Variants in LRP1B observed in about 807,000 individuals in gnomAD.
The protein encoded by LRP1B is low-density lipoprotein receptor-related protein 1B.
LRP1B carries 217 observed loss-of-function variants against 556.6 expected under a neutral mutation model. The ratio of observed to expected loss-of-function variants is 0.39; its 90% CI spans 0.35 to 0.44. LRP1B has a LOEUF of 0.44. Ranked by LOEUF, LRP1B falls within the 20% of genes least tolerant of loss-of-function variation. The probability of loss-of-function intolerance (pLI) is 1.00; values close to 1 mark genes in which losing one functional copy is unlikely to be tolerated. For synonymous variants in LRP1B, 2,047 were observed against 1,865.8 expected (o/e 1.10, Z -2.50); for missense variants, 5,053 against 5,620.8 (o/e 0.90, Z 3.23).
chr2:140,786,642 G>A (rs549162332), intron 32 of LRP1B, among the ~76,000 whole-genome samples: 1 of 152,252 alleles, frequency 6.6e-6, no homozygotes, highest in East Asian at 1.9e-4. Context: ...GGAGGACAAT[G>A]AAGGTAAGAT....
At chr2:140,683,346 A>C in intron 41 of LRP1B, 2 of 472,256 alleles carry the variant, frequency 4.2e-6, no homozygotes, top group Non-Finnish European at 8.2e-6. Flanking sequence ...ACAAGGCAGA[A>C]AACTCCACAC....
chr2:140,525,022 A>C (rs186818253), intron 49 of LRP1B, among the ~76,000 whole-genome samples: 1 of 151,970 alleles, frequency 6.6e-6, no homozygotes, highest in East Asian at 1.9e-4. Context: ...CTACTAAAAA[A>C]TCAGACTTTC....
At chr2:140,620,959 T>C (rs1023715818) in intron 41 of LRP1B, among the ~76,000 whole-genome samples, 4 of 151,966 alleles carry the variant, frequency 2.6e-5, no homozygotes, top group African/African-American at 4.8e-5. Flanking sequence ...AGTTGCTGGG[T>C]TTTCTTTCTA....
chr2:141,298,967 A>AT (rs949196673), intron 3 of LRP1B, among the ~76,000 whole-genome samples: 4 of 151,566 alleles, frequency 2.6e-5, no homozygotes, highest in Admixed American at 6.6e-5. Flanking sequence ...AAAAAAAAAA[A>AT]AAAAACCCAC....
intron 6 of LRP1B, among the ~76,000 whole-genome samples, chr2:141,224,175 A>C (rs1338279812): frequency 6.6e-6 from 1 of 151,970 alleles, no homozygotes; most frequent in Admixed American, 6.6e-5. Flanking sequence ...CAAACATTAA[A>C]AAGTGAGCAA....
chr2:140,739,432 A>T (rs1688062714), intron 35 of LRP1B, among the ~76,000 whole-genome samples: 1 of 152,146 alleles, frequency 6.6e-6, no homozygotes, highest in Non-Finnish European at 1.5e-5. Flanking sequence ...CCAAAAGCTG[A>T]AACAAAGATA....
rs760848186 is a variant in LRP1B at position 141,480,530 on chromosome 2, G to A, written c.209C>T (p.Pro70Leu). 6.2e-7 allele frequency: 1 copy of A among 1,613,506 alleles called. No homozygotes were observed. The change falls in exon 3 of 91, where the codon CCC (proline) becomes CTC (leucine). Residue 70 changes from proline to leucine, a missense_variant. Pro to Leu is a moderately conservative substitution (Grantham distance 98). Transcript: ENST00000389484. Reference protein sequence around the residue: ...DDSDESLDTCPEEVEIKCPLN... With the variant: ...DDSDESLDTCLEEVEIKCPLN... ...GGGGCACTTGATTTCTACCTCCTCG[G>A]GACCTGAAAAGATGTAAAAAAGAAC... is the stretch of plus-strand genomic sequence containing the variant.
chr2:140,608,618 T>C (rs1294353605), intron 41 of LRP1B, among the ~76,000 whole-genome samples: 2 of 152,232 alleles, frequency 1.3e-5, no homozygotes, highest in Admixed American at 6.5e-5. Context: ...AAGCTTTTAT[T>C]GTCATCCCCC....
At chr2:140,802,274 C>T (rs1019913634) in intron 32 of LRP1B, among the ~76,000 whole-genome samples, 2 of 152,044 alleles carry the variant, frequency 1.3e-5, no homozygotes, top group African/African-American at 4.8e-5. Context: ...GAGAAGGAGT[C>T]AAGGATGATA....
intron 2 of LRP1B, among the ~76,000 whole-genome samples, chr2:141,663,402 T>C (rs1254274491): frequency 1.6e-5 from 2 of 127,720 alleles, no homozygotes; most frequent in Admixed American, 7.7e-5. Flanking sequence ...ATCCAGGAGC[T>C]GGTTTTGTAA....
chr2:141,572,226 G>A (rs887142893), intron 2 of LRP1B, among the ~76,000 whole-genome samples: 3 of 152,132 alleles, frequency 2.0e-5, no homozygotes, highest in Admixed American at 6.5e-5. Context: ...GACTAACAGT[G>A]GACCTATCAG....
chr2:140,370,539 T>C (rs926309092), intron 71 of LRP1B, among the ~76,000 whole-genome samples, 171 bp downstream of exon 71: 15 of 151,996 alleles, frequency 9.9e-5, no homozygotes, highest in African/African-American at 3.6e-4. Context: ...TGTCTGACAA[T>C]GATCTGGATT....
Position 141,945,758 on chromosome 2 carries a change from C to A in LRP1B, c.83-135357G>T, listed in dbSNP as rs1050070188. 5.6e-5 allele frequency among the ~76,000 whole-genome samples: 8 copies of A among 143,408 alleles called. No homozygotes were observed. In the Admixed American group the frequency reaches 6.0e-4, roughly 11 times the overall value. 94.1% of individuals were successfully genotyped at this position (143,408 alleles called of 152,430 possible). A position where few individuals can be genotyped will look rare whatever the true frequency, so the allele number is the denominator to read the frequency against. On this transcript the variant is annotated intron_variant, in intron 1 of 90. Transcript: ENST00000389484. ...TCCAAGTTGTACAGAAATCAATGCA[C>A]TTCATCTGTCTCATAAATCTCAGCA...
intron 2 of LRP1B, among the ~76,000 whole-genome samples, chr2:141,570,596 G>T (rs1686490973): frequency 2.9e-5 from 2 of 69,804 alleles, no homozygotes; most frequent in South Asian, 7.2e-4. Flanking sequence ...TTTGACCTCG[G>T]AAGAGGGTGA....
At chr2:141,848,822 T>G (rs564938263) in intron 1 of LRP1B, among the ~76,000 whole-genome samples, 1 of 151,526 alleles carries the variant, frequency 6.6e-6, no homozygotes, top group African/African-American at 2.4e-5. Flanking sequence ...AAATTAAACA[T>G]CAGAAGGGCT....
intron 7 of LRP1B, among the ~76,000 whole-genome samples, chr2:141,157,720 A>T (rs889609132): frequency 1.3e-5 from 2 of 152,154 alleles, no homozygotes; most frequent in Non-Finnish European, 2.9e-5. Context: ...ACTATTCAAT[A>T]GACAGTCTAG....
At chr2:141,090,977 T>C (rs1265016932) in intron 7 of LRP1B, among the ~76,000 whole-genome samples, 1 of 152,214 alleles carries the variant, frequency 6.6e-6, no homozygotes, top group Non-Finnish European at 1.5e-5. Flanking sequence ...TTATTTCTAG[T>C]TTCTGATAAC....
chr2:141,072,156 A>T (rs1337013753), intron 7 of LRP1B, among the ~76,000 whole-genome samples: 1 of 152,078 alleles, frequency 6.6e-6, no homozygotes, highest in Non-Finnish European at 1.5e-5. Flanking sequence ...CTCCATGATC[A>T]AGCTCCATAA....
At chr2:140,650,830 G>T (rs1354085880) in intron 41 of LRP1B, among the ~76,000 whole-genome samples, 1 of 152,148 alleles carries the variant, frequency 6.6e-6, no homozygotes, top group Admixed American at 6.6e-5. Context: ...CCAATAGTGA[G>T]AGAGATTTCC....
Sources: gnomAD v4.1 joint callset for allele counts (sites outside exome capture counted in the v4.1 genomes callset) on GRCh38, gnomAD v4.1.1 for gene constraint, MANE v1.5 for transcripts, NCBI Gene and HGNC (gene_info 2026-07-23, HGNC 2026-07-21) for gene names.